The following CACNA1A variants were observed in gnomAD, a reference collection of about 807,000 sequenced individuals.
CACNA1A encodes calcium voltage-gated channel subunit alpha1 A.
Under a neutral mutation model 262.4 loss-of-function variants are expected in CACNA1A, and 57 were observed. The observed-to-expected ratio is 0.22, with a 90% CI of 0.18 to 0.27. The LOEUF (loss-of-function observed/expected upper bound fraction) is 0.27, where lower values mean the gene tolerates loss of function less well. Among genes scored for constraint, CACNA1A ranks in the 10% least tolerant of loss-of-function variants. The probability of loss-of-function intolerance (pLI) is 1.00; values close to 1 mark genes in which losing one functional copy is unlikely to be tolerated. For missense variants in CACNA1A, 2,526 were observed against 3,562.8 expected (o/e 0.71, Z 7.41); for synonymous variants, 1,431 against 1,419.3 (o/e 1.01, Z -0.18).
At chr19:13,454,583 G>C (rs982870941) in intron 2 of CACNA1A, among the ~76,000 whole-genome samples, 6 of 152,070 alleles carry the variant, frequency 3.9e-5, no homozygotes, top group African/African-American at 1.4e-4. Flanking sequence ...TGTTGGTCAG[G>C]ATGGTCTCGA....
chr19:13,225,223 C>G (rs1357444611), intron 37 of CACNA1A: 1 of 176,134 alleles, frequency 5.7e-6, no homozygotes, highest in East Asian at 1.6e-4. Context: ...ACACCCAATC[C>G]CTGGCTTGGC....
At chr19:13,317,916 T>C (rs953301570) in intron 10 of CACNA1A, among the ~76,000 whole-genome samples, 2 of 152,166 alleles carry the variant, frequency 1.3e-5, no homozygotes, top group African/African-American at 4.8e-5. Flanking sequence ...TCTGACCCTC[T>C]AAGGGGAGGA....
At position 13,214,710 on chromosome 19, in the gene CACNA1A, T is replaced by C; in HGVS notation, c.5732-102A>G. On this transcript the variant is annotated intron_variant, in intron 38 of 46. Transcript: ENST00000360228. The surrounding 1 kb of genome is among the most constrained non-coding windows in gnomAD (Gnocchi z 4.1). ...GGCTCCCGAGAACGAGACCCCAATC[T>C]TTCTGGTCCCCATGGGGTCTCCAGT... 1.1e-6 allele frequency: 1 copy of C among 882,794 alleles called. No individual in the cohort carries two copies. The highest frequency in any genetic ancestry group is 1.5e-5 in the South Asian group (1 of 65,624). 54.7% of individuals were successfully genotyped at this position (882,794 alleles called of 1,614,324 possible). A position where few individuals can be genotyped will look rare whatever the true frequency, so the allele number is the denominator to read the frequency against.
intron 6 of CACNA1A, among the ~76,000 whole-genome samples, chr19:13,350,855 A>T (rs2058893598): frequency 1.3e-5 from 2 of 152,164 alleles, no homozygotes; most frequent in South Asian, 4.1e-4. Flanking sequence ...AAATACAATT[A>T]GCTGGGCATG....
At chr19:13,383,828 ATTT>A (rs1293793813) in intron 3 of CACNA1A, among the ~76,000 whole-genome samples, 2 of 151,928 alleles carry the variant, frequency 1.3e-5, no homozygotes, top group Admixed American at 1.3e-4. Context: ...TTATTTATTT[ATTT>A]TTAAGACAGG....
intron 1 of CACNA1A, among the ~76,000 whole-genome samples, chr19:13,491,850 G>C (rs1188541560): frequency 6.6e-6 from 1 of 152,030 alleles, no homozygotes; most frequent in Non-Finnish European, 1.5e-5. Flanking sequence ...TTTTAAAAAG[G>C]GCTTGTCAGC....
At chr19:13,261,779 G>A in intron 25 of CACNA1A, 169 bp from the exon 26 acceptor site, 1 of 616,810 alleles carries the variant, frequency 1.6e-6, no homozygotes, top group South Asian at 2.0e-5. Context: ...AATAAGCGTT[G>A]GAGGAGTTGG....
chr19:13,265,845 C>CT (rs769952734), intron 24 of CACNA1A, among the ~76,000 whole-genome samples: 1,636 of 137,658 alleles, frequency 0.012, 19 homozygotes, highest in African/African-American at 0.029. Context: ...GTTAGATTTA[C>CT]TTTTTTTTTT....
chr19:13,456,447 T>C (rs1043112281), intron 1 of CACNA1A, among the ~76,000 whole-genome samples: 1 of 150,894 alleles, frequency 6.6e-6, no homozygotes, highest in African/African-American at 2.4e-5. Flanking sequence ...CCAAGGCGGG[T>C]GGATCATGAG....
intron 3 of CACNA1A, among the ~76,000 whole-genome samples, chr19:13,416,720 C>T (rs2060228901): frequency 6.6e-6 from 1 of 152,078 alleles, no homozygotes; most frequent in African/African-American, 2.4e-5. Flanking sequence ...GAGGCTGAGG[C>T]AAGAGAATCA....
chr19:13,405,013 C>T (rs998326495), intron 3 of CACNA1A, among the ~76,000 whole-genome samples: 3 of 151,864 alleles, frequency 2.0e-5, no homozygotes, highest in Non-Finnish European at 4.4e-5. Context: ...TCTCCTGCCT[C>T]AGCCTCCTGA....
intron 3 of CACNA1A, among the ~76,000 whole-genome samples, chr19:13,376,850 A>G (rs914353646): frequency 7.2e-6 from 1 of 139,854 alleles, no homozygotes; most frequent in African/African-American, 2.6e-5. Context: ...GTGATATATA[A>G]CACATATGTT....
At chr19:13,283,160 G>C (rs2057329065) in intron 22 of CACNA1A, 107 bp downstream of exon 22, 1 of 1,387,400 alleles carries the variant, frequency 7.2e-7, no homozygotes, top group South Asian at 1.3e-5. Context: ...GCTATGCCTA[G>C]GGGTGACCCC....
chr19:13,263,774 G>C (rs373411258), intron 24 of CACNA1A, among the ~76,000 whole-genome samples: 8 of 151,764 alleles, frequency 5.3e-5, no homozygotes, highest in Non-Finnish European at 1.2e-4. Context: ...ACCCACCTTG[G>C]CCTCCCAAAG....
intron 44 of CACNA1A, among the ~76,000 whole-genome samples, chr19:13,209,987 C>T (rs1038442084): frequency 1.3e-5 from 2 of 152,044 alleles, no homozygotes; most frequent in Non-Finnish European, 2.9e-5. Flanking sequence ...CCCGGCATGG[C>T]AGCTTTGGGT....
intron 19 of CACNA1A, 24 bp downstream of exon 19, chr19:13,298,520 G>C (rs1311768737): frequency 6.6e-7 from 1 of 1,525,844 alleles, no homozygotes; most frequent in African/African-American, 1.4e-5. Context: ...GTCATTCTGC[G>C]GATTCGAGGT....
At chr19:13,332,842 C>T (rs1204408671) in intron 9 of CACNA1A, 27 bp downstream of exon 9, 5 of 1,559,362 alleles carry the variant, frequency 3.2e-6, no homozygotes, top group Non-Finnish European at 4.4e-6. Flanking sequence ...CTGGGACCCA[C>T]CCCTGAGGTG....
intron 3 of CACNA1A, among the ~76,000 whole-genome samples, chr19:13,378,634 T>A: frequency 6.7e-6 from 1 of 150,006 alleles, no homozygotes. Flanking sequence ...TTAACTTTTT[T>A]AGTAATAAAA....
At chr19:13,238,436 T>C (rs1340028721) in intron 31 of CACNA1A, among the ~76,000 whole-genome samples, 1 of 152,126 alleles carries the variant, frequency 6.6e-6, no homozygotes, top group African/African-American at 2.4e-5. Context: ...AAAGTCCTAC[T>C]ACTTGTAGAC....
Sources: gnomAD v4.1 joint callset for allele counts (sites outside exome capture counted in the v4.1 genomes callset) on GRCh38, gnomAD v4.1.1 for gene constraint, Gnocchi (gnomAD v3.1) non-coding constraint, MANE v1.5 for transcripts, NCBI Gene and HGNC (gene_info 2026-07-23, HGNC 2026-07-21) for gene names.